Variants in DENND4B observed in about 807,000 individuals in gnomAD.
The protein encoded by DENND4B is DENN domain containing 4B, also known as DENN domain-containing protein 4B.
A neutral mutation model predicts 161.0 loss-of-function variants in DENND4B; 67 were observed. That is an observed-to-expected ratio of 0.42 (90% CI 0.34 to 0.51). The LOEUF (loss-of-function observed/expected upper bound fraction) is 0.51, where lower values mean the gene tolerates loss of function less well. Among genes scored for constraint, DENND4B ranks in the 20% least tolerant of loss-of-function variants. The pLI, the probability that DENND4B is intolerant of heterozygous loss-of-function variation, is 0.08. For synonymous variants in DENND4B, 753 were observed against 813.8 expected (o/e 0.93, Z 1.27); for missense variants, 1,481 against 1,968.0 (o/e 0.75, Z 4.68).
rs1159024188 is a variant in DENND4B at position 153,934,309 on chromosome 1, A to C, written c.2774-7T>G. On this transcript the variant is annotated splice_region_variant and splice_polypyrimidine_tract_variant and intron_variant, in intron 18 of 27. Transcript: ENST00000361217. The surrounding 1 kb of genome is among the most constrained non-coding windows in gnomAD (Gnocchi z 5.3). ...GGGCGCTCCAAATAGGGCTCTGTAA[A>C]AGACGAGAAGGGGTTTAGAGGCGGC... 8 of 1,577,940 alleles carry C rather than the reference A, an allele frequency of 5.1e-6. No individual in the cohort carries two copies. The highest frequency in any genetic ancestry group is 5.2e-6 in the Non-Finnish European group (6 of 1,165,040).
At position 153,933,062 on chromosome 1, in the gene DENND4B, T is replaced by C. The variant is rs371400116; in HGVS notation, c.3454-32A>G. 175 of 1,610,958 alleles carry C rather than the reference T, an allele frequency of 1.1e-4. 1 individual carries two copies. In the African/African-American group the frequency reaches 2.0e-3, roughly 18 times the overall value. ...GCAGGGAGAGTCGGGAAGTAGGTGC[T>C]GTCTGGCCGCCAGCACTCTGGAGCC... On this transcript the variant is annotated intron_variant, in intron 21 of 27. Transcript: ENST00000361217. The surrounding 1 kb of genome is among the most constrained non-coding windows in gnomAD (Gnocchi z 5.7).
intron 12 of DENND4B, among the ~76,000 whole-genome samples, 189 bp from the exon 13 acceptor site, chr1:153,939,234 G>A (rs980802752): frequency 6.6e-6 from 1 of 152,040 alleles, no homozygotes; most frequent in Non-Finnish European, 1.5e-5. Context: ...TGGCCCTAGA[G>A]AATCCCTCCC....
At position 153,934,168 on chromosome 1, in the gene DENND4B, C is replaced by T; in HGVS notation, c.2908G>A (p.Ala970Thr). 1 of 1,587,688 alleles carries T rather than the reference C, an allele frequency of 6.3e-7. No individual in the cohort carries two copies. The highest frequency in any genetic ancestry group is 8.5e-7 in the Non-Finnish European group (1 of 1,172,640). Reference sequence around the variant, plus strand: ...ACACCGGCCTCCACAGTGGGCTGTGCCCCTCGGGCACTGCCCAGGCTACCA... The same window carrying T: ...ACACCGGCCTCCACAGTGGGCTGTGTCCCTCGGGCACTGCCCAGGCTACCA... ...KSGSLGSARGAQPTVEAGVAH... is the reference protein window; with the variant it reads ...KSGSLGSARGTQPTVEAGVAH... Residue 970 changes from alanine to threonine, a missense_variant, in exon 19 of 28, where the codon GCA becomes ACA. By Grantham distance (58) the Ala-to-Thr change is moderately conservative. Around this residue, in one of 3 missense-constraint regions of DENND4B, gnomAD observed 339 missense variants for 330.3 expected, o/e 1.03. Transcript: ENST00000361217. The surrounding 1 kb of genome is among the most constrained non-coding windows in gnomAD (Gnocchi z 5.3).
At position 153,944,030 on chromosome 1, in the gene DENND4B, T is replaced by C. The variant is rs1487745411; in HGVS notation, c.317+28A>G. ...CACTGGAGTCCCTCCCAGCCTCCCC[T>C]GGTGCCAGCATGGGTAGGGGCACAC... On this transcript the variant is annotated intron_variant, in intron 2 of 27. Coordinates refer to ENST00000361217, the MANE Select transcript of DENND4B (RefSeq NM_014856.3). This position sits in a 1 kb window ranked among gnomAD's most constrained non-coding sequence, Gnocchi z 4.8. 6.6e-7 allele frequency: 1 copy of C among 1,517,308 alleles called. No homozygotes were observed. The highest frequency in any genetic ancestry group is 1.4e-5 in the African/African-American group (1 of 72,032). The allele number at this position is 1,517,308 out of a possible 1,614,324, so 94.0% of individuals were successfully genotyped here. A position where few individuals can be genotyped will look rare whatever the true frequency, so the allele number is the denominator to read the frequency against.
intron 6 of DENND4B, 117 bp downstream of exon 6, chr1:153,941,752 C>A (rs1679682349): frequency 1.3e-6 from 2 of 1,500,794 alleles, no homozygotes; most frequent in Non-Finnish European, 1.8e-6. Context: ...CACACTGCAG[C>A]CCTGTCCCTT....
rs1480901248 is a variant in DENND4B at position 153,940,485 on chromosome 1, T to C, written c.1448A>G (p.His483Arg). The C allele has an allele frequency of 6.2e-7, 1 of 1,613,286 alleles. No individual in the cohort carries two copies. Among genetic ancestry groups the C allele is most frequent in the Non-Finnish European group, 8.5e-7 (1 of 1,179,610 alleles). Residue 483 changes from histidine (H) to arginine (R), a missense_variant, in exon 10 of 28, where the codon CAT becomes CGT. By Grantham distance (29) the His-to-Arg change is conservative. This residue lies in a region of DENND4B where 806 missense variants were observed against 1,134.4 expected (regional missense o/e 0.71). Coordinates refer to ENST00000361217, the MANE Select transcript of DENND4B (RefSeq NM_014856.3). The surrounding 1 kb of genome is among the most constrained non-coding windows in gnomAD (Gnocchi z 5.6). ...VGIHSSYFDL[H>R]DPPADVICVD... ...ACAGATGACATCAGCAGGCGGGTCATGCAGATCAAAGTAGCTGGAGTGGAT... is the reference window on the plus strand; with the variant it reads ...ACAGATGACATCAGCAGGCGGGTCACGCAGATCAAAGTAGCTGGAGTGGAT...
At chr1:153,935,158 A>G in intron 17 of DENND4B, 194 bp from the exon 18 acceptor site, 2 of 1,086,768 alleles carry the variant, frequency 1.8e-6, no homozygotes, top group Non-Finnish European at 1.3e-6. Context: ...CAAGGGGCCT[A>G]GAAGAACCCA....
At chr1:153,939,362 C>T (rs1679537671) in intron 12 of DENND4B, among the ~76,000 whole-genome samples, 1 of 152,110 alleles carries the variant, frequency 6.6e-6, no homozygotes, top group African/African-American at 2.4e-5. Flanking sequence ...TACCCCAAGC[C>T]TGGGGCTCCA....
At chr1:153,931,537 G>A (rs1451797324) in intron 24 of DENND4B, among the ~76,000 whole-genome samples, 8 of 142,934 alleles carry the variant, frequency 5.6e-5, no homozygotes, top group African/African-American at 7.9e-5. Flanking sequence ...TCGCTCTGTC[G>A]TCCAGGCTGG....
In DENND4B at chr1:153,934,541, A is replaced by G. The variant is rs1380561450; in HGVS notation, c.2773+219T>C. Among the ~76,000 whole-genome samples, 3 of 152,116 alleles carry G rather than the reference A, an allele frequency of 2.0e-5. No individual in the cohort carries two copies. Among genetic ancestry groups the G allele is most frequent in the Admixed American group, 2.0e-4 (3 of 15,258 alleles). ...ACTGCAACCTCTGCCTCCTGGGTTC[A>G]AGTGATTCTCCTGCCTCAGTCTCCC... On this transcript the variant is annotated intron_variant, in intron 18 of 27. Transcript: ENST00000361217. The surrounding 1 kb of genome is among the most constrained non-coding windows in gnomAD (Gnocchi z 5.3).
At position 153,933,276 on chromosome 1, in the gene DENND4B, G is replaced by T; in HGVS notation, c.3374C>A (p.Ser1125Tyr). The T allele has an allele frequency of 6.2e-7, 1 of 1,613,274 alleles. No individual in the cohort carries two copies. Among genetic ancestry groups the T allele is most frequent in the East Asian group, 2.2e-5 (1 of 44,852 alleles). Residue 1125 changes from serine to tyrosine, a missense_variant, in exon 21 of 28, where the codon TCT becomes TAT. By Grantham distance (144) the Ser-to-Tyr change is moderately radical (BLOSUM62 -2). Around this residue, in one of 3 missense-constraint regions of DENND4B, gnomAD observed 336 missense variants for 503.3 expected, o/e 0.67. Coordinates refer to ENST00000361217, the MANE Select transcript of DENND4B (RefSeq NM_014856.3). This position sits in a 1 kb window ranked among gnomAD's most constrained non-coding sequence, Gnocchi z 5.7. ...LGSEWDLSES[S>Y]LSNLSLRRSS... The stretch of plus-strand genomic sequence containing the variant: ...ACGGCGAAGACTCAGGTTGCTGAGA[G>T]AAGATTCTGAGAGGTCCCACTCACT...
chr1:153,940,147 G>A lies in DENND4B; in HGVS notation c.1603+9C>T, dbSNP rs113191295. On this transcript the variant is annotated intron_variant, in intron 11 of 27. Coordinates refer to ENST00000361217, the MANE Select transcript of DENND4B (RefSeq NM_014856.3). The surrounding 1 kb of genome is among the most constrained non-coding windows in gnomAD (Gnocchi z 5.6). ...GTTCCCAGCCTCCCTCCCCACCCAG[G>A]CTTCTCACTCTGGTCCAGCTGCTGG... is the stretch of plus-strand genomic sequence containing the variant. 83,117 of 1,552,490 alleles carry A rather than the reference G, an allele frequency of 0.054. 2,547 individuals are homozygous for A. Among genetic ancestry groups the A allele is most frequent in the Middle Eastern group, 0.097 (563 of 5,782 alleles).
chr1:153,939,969 G>A, intron 11 of DENND4B, 165 bp from the exon 12 acceptor site: 1 of 823,284 alleles, frequency 1.2e-6, no homozygotes, highest in Middle Eastern at 2.3e-4. Flanking sequence ...TTTCCCACAT[G>A]TTCAGGAATA....
Position 153,943,126 on chromosome 1 carries a change from A to T in DENND4B, c.322T>A (p.Leu108Met), listed in dbSNP as rs1272410700. Residue 108 changes from leucine (L) to methionine (M), a missense_variant, in exon 3 of 28, where the codon TTG (leucine) becomes ATG (methionine). This residue lies in a region of DENND4B where 806 missense variants were observed against 1,134.4 expected (regional missense o/e 0.71). Coordinates refer to ENST00000361217, the MANE Select transcript of DENND4B (RefSeq NM_014856.3). ...TTGGGACGTTCCTTCCCCTCATACAACACCCTTGGCACAGAGAGCAAAGAT... is the reference window on the plus strand; with the variant it reads ...TTGGGACGTTCCTTCCCCTCATACATCACCCTTGGCACAGAGAGCAAAGAT... ...DKPPLVELGV[L>M]YEGKERPKPG... 1.2e-6 allele frequency: 2 copies of T among 1,612,054 alleles called. No homozygotes were observed. Among genetic ancestry groups the T allele is most frequent in the Non-Finnish European group, 1.7e-6 (2 of 1,178,550 alleles).
Position 153,937,633 on chromosome 1 carries a change from G to A in DENND4B, c.2106-19C>T, listed in dbSNP as rs1339944468. 6.2e-7 allele frequency: 1 copy of A among 1,611,652 alleles called. No individual in the cohort carries two copies. The highest frequency in any genetic ancestry group is 8.5e-7 in the Non-Finnish European group (1 of 1,178,230). Reference sequence around the variant, plus strand: ...ATCATAGCTGGAGGGGCAGAGAGAAGCAACATCGGGGCAGTCAGCACAGGG... The same window carrying A: ...ATCATAGCTGGAGGGGCAGAGAGAAACAACATCGGGGCAGTCAGCACAGGG... On this transcript the variant is annotated intron_variant, in intron 14 of 27. Transcript: ENST00000361217. The surrounding 1 kb of genome is among the most constrained non-coding windows in gnomAD (Gnocchi z 4.7).
At position 153,940,128 on chromosome 1, in the gene DENND4B, A is replaced by G. The variant is rs373528384; in HGVS notation, c.1603+28T>C. ...AGGTTTGAGGGCAATGACAGTTCCC[A>G]GCCTCCCTCCCCACCCAGGCTTCTC... On this transcript the variant is annotated intron_variant, in intron 11 of 27. Coordinates refer to ENST00000361217, the MANE Select transcript of DENND4B (RefSeq NM_014856.3). The surrounding 1 kb of genome is among the most constrained non-coding windows in gnomAD (Gnocchi z 5.6). 46 of 1,529,230 alleles carry G rather than the reference A, an allele frequency of 3.0e-5. No homozygotes were observed. In the African/African-American group the frequency reaches 6.4e-4, roughly 21 times the overall value. 94.7% of individuals were successfully genotyped at this position (1,529,230 alleles called of 1,614,324 possible). A position where few individuals can be genotyped will look rare whatever the true frequency, so the allele number is the denominator to read the frequency against.
At chr1:153,941,784 C>CG in intron 6 of DENND4B, 85 bp downstream of exon 6, 2 of 1,041,130 alleles carry the variant, frequency 1.9e-6, no homozygotes, top group Non-Finnish European at 1.4e-6. Flanking sequence ...AGCCCTCCCC[C>CG]CACCCACATC....
At position 153,933,657 on chromosome 1, in the gene DENND4B, G is replaced by A. The variant is rs753271600; in HGVS notation, c.3156C>T (p.Thr1052=). The change falls in exon 20 of 28, where the codon ACC becomes ACT. Residue 1052 remains threonine (T), a synonymous_variant. Coordinates refer to ENST00000361217, the MANE Select transcript of DENND4B (RefSeq NM_014856.3). The surrounding 1 kb of genome is among the most constrained non-coding windows in gnomAD (Gnocchi z 5.7). ...KAGGRQDEAG[T]PRRGLGARLQ... ...GGCGGGCACCCAGCCCTCGTCGGGG[G>A]GTGCCTGCCTCATCCTGTCGCCCAC... is the stretch of plus-strand genomic sequence containing the variant. 2.6e-5 allele frequency: 40 copies of A among 1,568,316 alleles called. No homozygotes were observed. Among genetic ancestry groups the A allele is most frequent in the Non-Finnish European group, 3.4e-5 (39 of 1,158,562 alleles).
chr1:153,934,711 T>A lies in DENND4B; in HGVS notation c.2773+49A>T, dbSNP rs987399740. ...CCAACTCTCTATGCCTTTCCCTGCCTGAGCCCAGCTACTCCATCCCCAAGC... is the reference window on the plus strand; with the variant it reads ...CCAACTCTCTATGCCTTTCCCTGCCAGAGCCCAGCTACTCCATCCCCAAGC... On this transcript the variant is annotated intron_variant, in intron 18 of 27. Coordinates refer to ENST00000361217, the MANE Select transcript of DENND4B (RefSeq NM_014856.3). This position sits in a 1 kb window ranked among gnomAD's most constrained non-coding sequence, Gnocchi z 5.3. 9 of 1,569,424 alleles carry A rather than the reference T, an allele frequency of 5.7e-6. No homozygotes were observed. The Admixed American group carries it at 1.3e-4, about 23-fold the overall frequency.
Sources: gnomAD v4.1 joint callset for allele counts (sites outside exome capture counted in the v4.1 genomes callset) on GRCh38, gnomAD v4.1.1 for gene constraint, gnomAD v4.1.1 regional missense constraint, Gnocchi (gnomAD v3.1) non-coding constraint, MANE v1.5 for transcripts, NCBI Gene and HGNC (gene_info 2026-07-23, HGNC 2026-07-21) for gene names.